The following ANKS4B variants were observed in gnomAD, a reference collection of about 807,000 sequenced individuals.
The protein encoded by ANKS4B is ankyrin repeat and SAM domain-containing protein 4B.
ANKS4B carries 21 observed loss-of-function variants against 20.2 expected under a neutral mutation model. The ratio of observed to expected loss-of-function variants is 1.04; its 90% confidence interval spans 0.74 to 1.50. The LOEUF (loss-of-function observed/expected upper bound fraction) is 1.50, where lower values mean the gene tolerates loss of function less well. Among genes scored for constraint, ANKS4B ranks in the 40% most tolerant of loss-of-function variants. The pLI is 0.00. For missense variants in ANKS4B, 473 were observed against 494.6 expected (o/e 0.96, Z 0.41); for synonymous variants, 179 against 194.5 (o/e 0.92, Z 0.66).
At position 21,250,587 on chromosome 16, in the gene ANKS4B, G is replaced by A. The variant is rs201951492; in HGVS notation, c.1021G>A (p.Asp341Asn). The change falls in exon 2 of 2, where the codon GAT (aspartate) becomes AAT (asparagine). Residue 341 changes from aspartate (D) to asparagine (N), a missense_variant. Physicochemically the swap from Asp to Asn is conservative, Grantham distance 23. Transcript: ENST00000311620. ...WDDDEVEWEE[D>N]VVDATPLEVF... Reference sequence around the variant, plus strand: ...TGACGATGAAGTGGAGTGGGAGGAAGATGTGGTCGATGCCACGCCCCTGGA... The same window carrying A: ...TGACGATGAAGTGGAGTGGGAGGAAAATGTGGTCGATGCCACGCCCCTGGA... The A allele has an allele frequency of 4.9e-4, 792 of 1,614,040 alleles. 1 individual carries two copies. The highest frequency in any genetic ancestry group is 6.3e-4 in the Non-Finnish European group (740 of 1,180,012).
chr16:21,235,025 T>G (rs1047732738), intron 1 of ANKS4B, among the ~76,000 whole-genome samples: 25 of 152,190 alleles, frequency 1.6e-4, no homozygotes, highest in African/African-American at 5.5e-4. Context: ...TTTTTGTACT[T>G]TTTGTAGTGA....
intron 1 of ANKS4B, among the ~76,000 whole-genome samples, chr16:21,237,154 G>A (rs2093321189): frequency 6.6e-6 from 1 of 152,048 alleles, no homozygotes; most frequent in Non-Finnish European, 1.5e-5. Flanking sequence ...CTAAGTAGCT[G>A]GGTCTACAGG....
intron 1 of ANKS4B, among the ~76,000 whole-genome samples, chr16:21,236,613 GT>G (rs1393225011): frequency 6.6e-6 from 1 of 151,968 alleles, no homozygotes; most frequent in Non-Finnish European, 1.5e-5. Flanking sequence ...GCCTCGCTTT[GT>G]TGCCCAGGCT....
rs1363025526 is a variant in ANKS4B at position 21,250,214 on chromosome 16, A to AG, written c.649dup (p.Glu217GlyfsTer47). The AG allele has an allele frequency of 4.3e-6, 7 of 1,614,234 alleles. No individual in the cohort carries two copies. The highest frequency in any genetic ancestry group is 5.9e-6 in the Non-Finnish European group (7 of 1,180,034). Reference sequence around the variant, plus strand: ...AGTTCAAGAAGAACAAAGATACAGCAGAACAGGTGGGGAAGGAAGGCAGAA... The same window carrying AG: ...AGTTCAAGAAGAACAAAGATACAGCAGGAACAGGTGGGGAAGGAAGGCAGAA... On this transcript the variant is annotated frameshift_variant, in exon 2 of 2. Transcript: ENST00000311620. LOFTEE classifies it high-confidence loss of function.
At position 21,250,933 on chromosome 16, in the gene ANKS4B, C is replaced by T. The variant is rs750921044; in HGVS notation, c.*113C>T. 1.7e-5 allele frequency: 24 copies of T among 1,420,784 alleles called. No individual in the cohort carries two copies. The highest frequency in any genetic ancestry group is 6.2e-5 in the South Asian group (4 of 64,158). 88.0% of individuals were successfully genotyped at this position (1,420,784 alleles called of 1,614,324 possible). On this transcript the variant is annotated 3_prime_UTR_variant, in exon 2 of 2. Transcript: ENST00000311620. ...CCACTGGGAATGGATTCTAGGGCAT[C>T]GGAAATGCCTACCTGAGAGAGAGAC...
intron 1 of ANKS4B, among the ~76,000 whole-genome samples, chr16:21,249,322 A>G (rs544142157): frequency 6.6e-6 from 1 of 152,318 alleles, no homozygotes; most frequent in African/African-American, 2.4e-5. Flanking sequence ...TGTCTCTACA[A>G]AAAATTAGCT....
chr16:21,249,247 G>A (rs1015525598), intron 1 of ANKS4B, among the ~76,000 whole-genome samples: 18 of 152,192 alleles, frequency 1.2e-4, no homozygotes, highest in African/African-American at 3.9e-4. Context: ...AATTTGGGAC[G>A]CCAAGGCAAG....
At chr16:21,243,614 T>C (rs190415432) in intron 1 of ANKS4B, among the ~76,000 whole-genome samples, 25 of 152,282 alleles carry the variant, frequency 1.6e-4, no homozygotes, top group East Asian at 9.7e-4. Flanking sequence ...CTCTGTTGCC[T>C]GGGCTGGAGT....
intron 1 of ANKS4B, among the ~76,000 whole-genome samples, chr16:21,244,226 A>G (rs760839011): frequency 6.6e-6 from 1 of 152,232 alleles, no homozygotes; most frequent in Non-Finnish European, 1.5e-5. Context: ...GAAGACATGG[A>G]CACAGGGAGG....
At chr16:21,243,117 C>A (rs1296054849) in intron 1 of ANKS4B, among the ~76,000 whole-genome samples, 1 of 152,104 alleles carries the variant, frequency 6.6e-6, no homozygotes, top group Non-Finnish European at 1.5e-5. Flanking sequence ...GAGAACTTCA[C>A]AAAAAATCAA....
intron 1 of ANKS4B, among the ~76,000 whole-genome samples, chr16:21,241,943 A>T (rs775987248): frequency 6.6e-6 from 1 of 152,126 alleles, no homozygotes; most frequent in Non-Finnish European, 1.5e-5. Flanking sequence ...CATGCCTGTA[A>T]TCCCAGCTCT....
At position 21,253,681 on chromosome 16, in the gene ANKS4B, T is replaced by C. The variant is rs112714066; in HGVS notation, c.*2861T>C. The C allele has an allele frequency of 6.6e-6, 1 of 152,150 alleles. No homozygotes were observed. The highest frequency in any genetic ancestry group is 1.5e-5 in the Non-Finnish European group (1 of 68,024). The allele number at this position is 152,150 out of a possible 1,614,324, so 9.4% of individuals were successfully genotyped here. A position where few individuals can be genotyped will look rare whatever the true frequency, so the allele number is the denominator to read the frequency against. ...GACTCTCATCCCTTTTTAGGAGATA[T>C]TTGCCACTAGGGGTCTCATCAGGTA... On this transcript the variant is annotated 3_prime_UTR_variant, in exon 2 of 2. Transcript: ENST00000311620.
intron 1 of ANKS4B, among the ~76,000 whole-genome samples, chr16:21,235,689 G>C (rs1247976165): frequency 1.3e-5 from 2 of 152,154 alleles, no homozygotes; most frequent in Non-Finnish European, 2.9e-5. Flanking sequence ...GAAAAGGAGG[G>C]TTAAGGTCCC....
chr16:21,248,172 T>G (rs1413541572), intron 1 of ANKS4B, among the ~76,000 whole-genome samples: 1 of 152,116 alleles, frequency 6.6e-6, no homozygotes, highest in Non-Finnish European at 1.5e-5. Context: ...AGCCATTCTT[T>G]CTTACTTTTT....
intron 1 of ANKS4B, among the ~76,000 whole-genome samples, chr16:21,236,236 C>G (rs1481173122): frequency 6.6e-6 from 1 of 152,088 alleles, no homozygotes; most frequent in Non-Finnish European, 1.5e-5. Context: ...CTAATGAGAG[C>G]TCACTATCAT....
intron 1 of ANKS4B, among the ~76,000 whole-genome samples, chr16:21,248,404 C>A (rs1193260124): frequency 6.6e-6 from 1 of 151,152 alleles, no homozygotes; most frequent in Non-Finnish European, 1.5e-5. Context: ...TTACTGTAAG[C>A]CTGAGCTTCT....
rs1324717913 is a variant in ANKS4B at position 21,251,483 on chromosome 16, A to G, written c.*663A>G. On this transcript the variant is annotated 3_prime_UTR_variant, in exon 2 of 2. Coordinates refer to ENST00000311620, the MANE Select transcript of ANKS4B (RefSeq NM_145865.3). The stretch of plus-strand genomic sequence containing the variant: ...TGAAAGAAACTTCCTTTACTTTTCT[A>G]TCTCTGGATTTAAAATTATAATCTC... The G allele has an allele frequency of 1.3e-5, 2 of 152,220 alleles. No homozygotes were observed. The highest frequency in any genetic ancestry group is 4.8e-5 in the African/African-American group (2 of 41,462). 9.4% of individuals were successfully genotyped at this position (152,220 alleles called of 1,614,324 possible).
At chr16:21,243,911 A>G (rs527971335) in intron 1 of ANKS4B, 5 of 152,204 alleles carry the variant, frequency 3.3e-5, no homozygotes, top group Admixed American at 6.5e-5. Flanking sequence ...GCCACTAGGA[A>G]AACCCATGAA....
intron 1 of ANKS4B, among the ~76,000 whole-genome samples, chr16:21,242,500 T>C (rs1401378337): frequency 6.6e-6 from 1 of 152,224 alleles, no homozygotes; most frequent in African/African-American, 2.4e-5. Context: ...GGAGACTTTT[T>C]TAGATTCCAC....
Sources: gnomAD v4.1 joint callset for allele counts (sites outside exome capture counted in the v4.1 genomes callset) on GRCh38, gnomAD v4.1.1 for gene constraint, MANE v1.5 for transcripts, NCBI Gene and HGNC (gene_info 2026-07-23, HGNC 2026-07-21) for gene names.